The following SULT2B1 variants were observed in gnomAD, a reference collection of about 807,000 sequenced individuals.
SULT2B1 encodes sulfotransferase family 2B member 1.
Under a neutral mutation model 33.2 loss-of-function variants are expected in SULT2B1, and 16 were observed. The observed-to-expected ratio is 0.48, with a 90% CI of 0.33 to 0.73. SULT2B1 has a LOEUF of 0.73. Among genes scored for constraint, SULT2B1 ranks in the 30% least tolerant of loss-of-function variants. The probability of loss-of-function intolerance (pLI) is 0.02; values close to 1 mark genes in which losing one functional copy is unlikely to be tolerated. For synonymous variants in SULT2B1, 186 were observed against 200.5 expected, an observed-to-expected ratio of 0.93 and a Z score of 0.61; for missense variants, 500 against 506.0, an observed-to-expected ratio of 0.99 and a Z score of 0.11.
intron 2 of SULT2B1, 128 bp from the exon 3 acceptor site, chr19:48,587,099 AAG>A (rs1973571742): frequency 6.1e-6 from 4 of 653,108 alleles, no homozygotes; most frequent in Admixed American, 3.2e-5. Context: ...GCAACAGAGT[AAG>A]ACTCTGTCTT....
chr19:48,562,454 G>A (rs541806924), intron 1 of SULT2B1, among the ~76,000 whole-genome samples: 1 of 151,834 alleles, frequency 6.6e-6, no homozygotes, highest in East Asian at 2.0e-4. Context: ...GGGAGGGTGA[G>A]GCAGGAGAAT....
Position 48,570,250 on chromosome 19 carries a change from G to A in SULT2B1, c.72-5691G>A, listed in dbSNP as rs1317518330. On this transcript the variant is annotated intron_variant, in intron 1 of 6. Transcript: ENST00000201586. The stretch of plus-strand genomic sequence containing the variant: ...GCTGGAGTGCAATGGCGCGATCTGG[G>A]CTCACTGCAACCTCCACCTCCCAGG... Among the ~76,000 whole-genome samples the A allele has an allele frequency of 3.3e-5, 5 of 151,460 alleles. No homozygotes were observed. In the East Asian group the frequency reaches 9.7e-4, roughly 30 times the overall value.
chr19:48,573,528 C>T (rs3760803), intron 1 of SULT2B1, among the ~76,000 whole-genome samples: 63,307 of 151,688 alleles, frequency 0.42, 14,210 homozygotes, highest in South Asian at 0.57. Flanking sequence ...GGGTGGGGGA[C>T]AGGGGGGTCC....
rs929493590 is a variant in SULT2B1 at position 48,590,409 on chromosome 19, C to G, written c.424-1200C>G. ...TTGAGGCCGGGAGTTTGAGACCAGC[C>G]TGGCCAACATGGTGAAAACCCGTCT... On this transcript the variant is annotated intron_variant, in intron 3 of 6. Transcript: ENST00000201586. Among the ~76,000 whole-genome samples the G allele has an allele frequency of 2.6e-5, 4 of 152,114 alleles. No homozygotes were observed. The East Asian group carries it at 5.9e-4, about 22-fold the overall frequency.
At chr19:48,562,249 G>A (rs368475685) in intron 1 of SULT2B1, among the ~76,000 whole-genome samples, 22 of 152,256 alleles carry the variant, frequency 1.4e-4, no homozygotes, top group Admixed American at 5.2e-4. Context: ...TTAGCCAGGC[G>A]TGGTGGCACA....
At chr19:48,590,843 T>C (rs1474816577) in intron 3 of SULT2B1, among the ~76,000 whole-genome samples, 5 of 126,868 alleles carry the variant, frequency 3.9e-5, no homozygotes, top group South Asian at 2.4e-4. Context: ...TTTTGGTTTA[T>C]TTGTTTTTGA....
At chr19:48,594,041 C>G (rs1973679547) in intron 5 of SULT2B1, among the ~76,000 whole-genome samples, 1 of 151,628 alleles carries the variant, frequency 6.6e-6, no homozygotes, top group African/African-American at 2.4e-5. Flanking sequence ...GGCAGATCAC[C>G]TGAGCTCAGG....
intron 1 of SULT2B1, among the ~76,000 whole-genome samples, chr19:48,557,812 G>A (rs1031246387): frequency 2.6e-5 from 4 of 151,876 alleles, no homozygotes; most frequent in African/African-American, 4.8e-5. Context: ...CCAGCTACTC[G>A]GGAGGTTGAG....
At chr19:48,578,572 T>C (rs1470027796) in intron 2 of SULT2B1, among the ~76,000 whole-genome samples, 1 of 151,276 alleles carries the variant, frequency 6.6e-6, no homozygotes, top group Non-Finnish European at 1.5e-5. Flanking sequence ...GCAGAGACTG[T>C]CTCAAAAACA....
chr19:48,597,299 A>G (rs1194702351), intron 6 of SULT2B1, among the ~76,000 whole-genome samples: 1 of 151,526 alleles, frequency 6.6e-6, no homozygotes, highest in Non-Finnish European at 1.5e-5. Context: ...TGCTGTAACA[A>G]AAACACCGCA....
chr19:48,572,209 T>G (rs892778391), intron 1 of SULT2B1, among the ~76,000 whole-genome samples: 1 of 152,040 alleles, frequency 6.6e-6, no homozygotes, highest in Admixed American at 6.6e-5. Flanking sequence ...GTCTAGAAGG[T>G]CTGCATTTAG....
intron 2 of SULT2B1, among the ~76,000 whole-genome samples, chr19:48,579,320 T>C (rs1973453877): frequency 6.7e-6 from 1 of 150,174 alleles, no homozygotes; most frequent in Admixed American, 6.7e-5. Context: ...TCTCGCTCTG[T>C]CGCCCAGGCT....
In SULT2B1 at chr19:48,552,260, G is replaced by A. The variant is rs1040692276; in HGVS notation, c.8G>A (p.Gly3Glu). The A allele has an allele frequency of 1.1e-5, 17 of 1,613,782 alleles. No homozygotes were observed. Among genetic ancestry groups the A allele is most frequent in the East Asian group, 2.2e-5 (1 of 44,864 alleles). Residue 3 changes from glycine to glutamate, a missense_variant, in exon 1 of 7, where the codon GGG (glycine) becomes GAG (glutamate). Physicochemically the swap from Gly to Glu is moderately conservative, Grantham distance 98. Coordinates refer to ENST00000201586, the MANE Select transcript of SULT2B1 (RefSeq NM_177973.2). This position sits in a 1 kb window ranked among gnomAD's most constrained non-coding sequence, Gnocchi z 4.8. The part of the protein sequence containing the change: MD[G>E]PAEPQIPGLW... ...CACCCTCACCCACCTGCCATGGACG[G>A]GCCCGCCGAGCCCCAGATCCCGGGC...
intron 2 of SULT2B1, 59 bp from the exon 3 acceptor site, chr19:48,587,170 T>G: frequency 8.9e-6 from 11 of 1,237,462 alleles, no homozygotes; most frequent in Non-Finnish European, 1.1e-5. Flanking sequence ...ATTATTCTGA[T>G]GATATCTCCC....
intron 1 of SULT2B1, among the ~76,000 whole-genome samples, chr19:48,559,238 C>T (rs4801764): frequency 0.082 from 12,468 of 152,076 alleles, 1,109 homozygotes; most frequent in African/African-American, 0.22. Context: ...CCTTTCCACT[C>T]GCTCTTTGGG....
chr19:48,596,377 G>A (rs903777952), intron 5 of SULT2B1: 1 of 215,426 alleles, frequency 4.6e-6, no homozygotes, highest in Non-Finnish European at 9.3e-6. Flanking sequence ...CCTGAAGGAG[G>A]GTGATTCCAG....
chr19:48,565,215 G>A (rs752308307), intron 1 of SULT2B1, among the ~76,000 whole-genome samples: 31 of 151,760 alleles, frequency 2.0e-4, no homozygotes, highest in Non-Finnish European at 2.9e-5. Flanking sequence ...CATGAGTCAC[G>A]GTGCCCGGCC....
rs1427284332 is a variant in SULT2B1 at position 48,591,624 on chromosome 19, C to T, written c.439C>T (p.Arg147Cys). The T allele has an allele frequency of 2.5e-6, 4 of 1,612,942 alleles. No homozygotes were observed. Among genetic ancestry groups the T allele is most frequent in the South Asian group, 1.1e-5 (1 of 90,992 alleles). The part of the protein sequence containing the change: ...SSKAKVIYMG[R>C]NPRDVVVSLY... ...CCGCACACAGGTGATCTACATGGGC[C>T]GCAACCCCCGGGACGTTGTGGTCTC... The change falls in exon 4 of 7, where the codon CGC becomes TGC. Residue 147 changes from arginine (R) to cysteine (C), a missense_variant. Transcript: ENST00000201586.
At chr19:48,574,327 G>C (rs145862202) in intron 1 of SULT2B1, among the ~76,000 whole-genome samples, 1 of 152,200 alleles carries the variant, frequency 6.6e-6, no homozygotes, top group Non-Finnish European at 1.5e-5. Context: ...ACACCAACAA[G>C]TCCCAGCACT....
Sources: allele counts gnomAD v4.1 joint callset (sites outside exome capture counted in the v4.1 genomes callset), GRCh38; gene constraint gnomAD v4.1.1; non-coding constraint Gnocchi (gnomAD v3.1); transcripts MANE v1.5; gene names NCBI Gene and HGNC (gene_info 2026-07-23, HGNC 2026-07-21).